The following ANKRD36C variants were observed in gnomAD, a reference collection of about 807,000 sequenced individuals.
ANKRD36C encodes ankyrin repeat domain-containing protein 36C.
Under a neutral mutation model 276.4 loss-of-function variants are expected in ANKRD36C, and 61 were observed. The ratio of observed to expected loss-of-function variants is 0.22; its 90% CI spans 0.18 to 0.27. The LOEUF (loss-of-function observed/expected upper bound fraction) is 0.27, where lower values mean the gene tolerates loss of function less well. Among genes scored for constraint, ANKRD36C ranks in the 10% least tolerant of loss-of-function variants. The pLI is 1.00. For missense variants in ANKRD36C, 1,447 were observed against 2,032.3 expected, an observed-to-expected ratio of 0.71 and a Z score of 5.54; for synonymous variants, 483 against 680.1, an observed-to-expected ratio of 0.71 and a Z score of 4.51.
At chr2:95,964,386 G>T (rs1041702511) in intron 6 of ANKRD36C, among the ~76,000 whole-genome samples, 1 of 151,738 alleles carries the variant, frequency 6.6e-6, no homozygotes, top group African/African-American at 2.4e-5. Context: ...CTAGCTAGCT[G>T]CTTTCTTTGT....
chr2:95,946,011 C>A (rs1187640102), intron 17 of ANKRD36C, among the ~76,000 whole-genome samples: 5 of 150,762 alleles, frequency 3.3e-5, no homozygotes, highest in South Asian at 4.3e-4. Flanking sequence ...AGCATTTACT[C>A]GACAATTTGT....
At chr2:95,906,267 GT>G (rs1012817251) in intron 42 of ANKRD36C, among the ~76,000 whole-genome samples, 1 of 40,570 alleles carries the variant, frequency 2.5e-5, no homozygotes, top group African/African-American at 9.2e-5. Context: ...TTTTCTGTCT[GT>G]TTTTAGCACT....
intron 17 of ANKRD36C, among the ~76,000 whole-genome samples, chr2:95,946,765 G>A (rs1171938979): frequency 6.6e-6 from 1 of 152,040 alleles, no homozygotes; most frequent in African/African-American, 2.4e-5. Flanking sequence ...GTAGGGACAT[G>A]GGTGAAATTG....
rs367786490 is a variant in ANKRD36C at position 95,954,129 on chromosome 2, G to A, written c.1137-124C>T. 1.2e-4 allele frequency: 126 copies of A among 1,056,618 alleles called. No homozygotes were observed. The East Asian group carries it at 1.8e-3, about 15-fold the overall frequency. 65.5% of individuals were successfully genotyped at this position (1,056,618 alleles called of 1,614,324 possible). A position where few individuals can be genotyped will look rare whatever the true frequency, so the allele number is the denominator to read the frequency against. On this transcript the variant is annotated intron_variant, in intron 13 of 66. Transcript: ENST00000456556. ...GTAAAACAAAGTCTGAGGAAACTCAGTTATCTGCATATTAAATAATATTTC... is the reference window on the plus strand; with the variant it reads ...GTAAAACAAAGTCTGAGGAAACTCAATTATCTGCATATTAAATAATATTTC...
chr2:95,936,731 G>A (rs374015799), intron 22 of ANKRD36C, among the ~76,000 whole-genome samples: 1,938 of 118,444 alleles, frequency 0.016, no homozygotes, highest in South Asian at 0.03. Flanking sequence ...TCACTATCTG[G>A]TCTTCATTCT....
At chr2:95,849,007 C>G (rs1436707328), downstream of ANKRD36C, among the ~76,000 whole-genome samples, 4 of 152,076 alleles carry the variant, frequency 2.6e-5, no homozygotes, top group African/African-American at 9.7e-5. Context: ...ATGTTAACAG[C>G]CTAGTAATAC....
Position 95,893,415 on chromosome 2 carries a change from C to T in ANKRD36C, c.2756-1555G>A. The T allele has an allele frequency of 3.6e-6, 5 of 1,404,014 alleles. No homozygotes were observed. In the South Asian group the frequency reaches 6.4e-5, roughly 18 times the overall value. 87.0% of individuals were successfully genotyped at this position (1,404,014 alleles called of 1,614,324 possible). A position where few individuals can be genotyped will look rare whatever the true frequency, so the allele number is the denominator to read the frequency against. ...CAAGAACTTACTACAAATGAAGAAT[C>T]TCCGGCCTGCTGAATCAGAAAGTGC... On this transcript the variant is annotated intron_variant, in intron 44 of 66. Coordinates refer to ENST00000456556, the Ensembl canonical transcript of ANKRD36C.
chr2:95,950,147 A>G (rs1678160643), intron 16 of ANKRD36C, among the ~76,000 whole-genome samples: 3 of 152,284 alleles, frequency 2.0e-5, no homozygotes, highest in Non-Finnish European at 4.4e-5. Flanking sequence ...ATATTTAGAT[A>G]TTCTCCAAGC....
intron 42 of ANKRD36C, among the ~76,000 whole-genome samples, chr2:95,910,781 C>G (rs1467552153): frequency 6.6e-6 from 1 of 151,338 alleles, no homozygotes; most frequent in Non-Finnish European, 1.5e-5. Context: ...CAATTTCAAA[C>G]ACGGTACGAT....
At chr2:95,851,366 C>T (rs1157250865) in intron 66 of ANKRD36C, among the ~76,000 whole-genome samples, 171 bp from the exon 87 acceptor site, 2 of 152,180 alleles carry the variant, frequency 1.3e-5, no homozygotes, top group African/African-American at 4.8e-5. Context: ...GGACATGACA[C>T]CACAACTGCA....
chr2:95,851,616 G>C, intron 66 of ANKRD36C, 78 bp downstream of exon 86: 1 of 1,240,078 alleles, frequency 8.1e-7, no homozygotes. Context: ...AAGCATTTTG[G>C]ACAAGGGATA....
rs540148384 is a variant in ANKRD36C, at chr2:95,929,993, A to C, written c.1736-726T>G. Among the ~76,000 whole-genome samples, 8 of 151,736 alleles carry C rather than the reference A, an allele frequency of 5.3e-5. No individual in the cohort carries two copies. The East Asian group carries it at 1.6e-3, about 29-fold the overall frequency. ...ATTAGCAAATTTGACATACTTATAC[A>C]AAATAAAGTTTCTACAAGCATTAGA... On this transcript the variant is annotated intron_variant, in intron 24 of 66. Transcript: ENST00000456556.
rs188163910 is a variant in ANKRD36C at position 95,893,430 on chromosome 2, T to A, written c.2756-1570A>T. 1,621 of 1,464,932 alleles carry A rather than the reference T, an allele frequency of 1.1e-3. 9 individuals are homozygous for A. Among genetic ancestry groups the A allele is most frequent in the Non-Finnish European group, 1.4e-3 (1,510 of 1,086,048 alleles). The allele number at this position is 1,464,932 out of a possible 1,614,324, so 90.7% of individuals were successfully genotyped here. A position where few individuals can be genotyped will look rare whatever the true frequency, so the allele number is the denominator to read the frequency against. On this transcript the variant is annotated intron_variant, in intron 44 of 66. Coordinates refer to ENST00000456556, the Ensembl canonical transcript of ANKRD36C. Reference sequence around the variant, plus strand: ...AATGAAGAATCTCCGGCCTGCTGAATCAGAAAGTGCAGCTTCGACGAGCCC... The same window carrying A: ...AATGAAGAATCTCCGGCCTGCTGAAACAGAAAGTGCAGCTTCGACGAGCCC...
At chr2:95,972,588 G>A (rs1016959641) in intron 6 of ANKRD36C, among the ~76,000 whole-genome samples, 2 of 152,208 alleles carry the variant, frequency 1.3e-5, no homozygotes, top group South Asian at 2.1e-4. Context: ...TAAGTGAATC[G>A]CCAAACACAG....
At chr2:95,927,352 G>A (rs112413192) in intron 27 of ANKRD36C, 29 bp downstream of exon 27, 2 of 1,607,026 alleles carry the variant, frequency 1.2e-6, no homozygotes, top group East Asian at 2.2e-5. Context: ...ACAGTTAATA[G>A]TTCAACATAT....
At chr2:95,876,879 T>C (rs983263867) in intron 58 of ANKRD36C, among the ~76,000 whole-genome samples, 8 of 149,038 alleles carry the variant, frequency 5.4e-5, no homozygotes, top group African/African-American at 2.0e-4. Flanking sequence ...AAAAAAAGTC[T>C]TTCTAAAACC....
At chr2:95,953,808 G>A (rs1242552749) in intron 14 of ANKRD36C, 131 bp downstream of exon 14, 2 of 726,156 alleles carry the variant, frequency 2.8e-6, no homozygotes, top group Non-Finnish European at 2.0e-6. Flanking sequence ...CTTTAAAATG[G>A]TTTTCTCTAA....
exon 63 of ANKRD36C, chr2:95,855,546 G>C (rs545954071): frequency 8.5e-5 from 137 of 1,611,054 alleles, no homozygotes; most frequent in Middle Eastern, 4.5e-4. Context: ...TTTTTCCATT[G>C]TATTGTATCC....
chr2:95,925,419 T>C lies in ANKRD36C; in HGVS notation c.1974A>G (p.Ile658Met), dbSNP rs772703751. 11 of 1,555,032 alleles carry C rather than the reference T, an allele frequency of 7.1e-6. No homozygotes were observed. The African/African-American group carries it at 1.4e-4, about 19-fold the overall frequency. Residue 658 changes from isoleucine to methionine, a missense_variant, in exon 30 of 67, where the codon ATA becomes ATG. Physicochemically the swap from Ile to Met is conservative, Grantham distance 10. Coordinates refer to ENST00000456556, the Ensembl canonical transcript of ANKRD36C. ...TCAAAAGAGAAACTTTCTTTTTAAA[T>C]ATAACCTGAATGGAAAGAGAAACAA... is the stretch of plus-strand genomic sequence containing the variant.
Sources: gnomAD v4.1 joint callset for allele counts (sites outside exome capture counted in the v4.1 genomes callset) on GRCh38, gnomAD v4.1.1 for gene constraint, MANE v1.5 for transcripts, NCBI Gene and HGNC (gene_info 2026-07-23, HGNC 2026-07-21) for gene names.